PTPRJ: variants seen among roughly 807,000 people sequenced by gnomAD.
PTPRJ encodes the protein protein tyrosine phosphatase receptor type J.
A neutral mutation model predicts 141.3 loss-of-function variants in PTPRJ; 129 were observed. The ratio of observed to expected loss-of-function variants is 0.91; its 90% confidence interval spans 0.79 to 1.06. The LOEUF (loss-of-function observed/expected upper bound fraction) is 1.06, where lower values mean the gene tolerates loss of function less well. PTPRJ is among the 50% of genes least tolerant of loss of function. The pLI, the probability that PTPRJ is intolerant of heterozygous loss-of-function variation, is 0.00. For synonymous variants in PTPRJ, 610 were observed against 640.5 expected, an observed-to-expected ratio of 0.95 and a Z score of 0.72; for missense variants, 1,601 against 1,679.7, an observed-to-expected ratio of 0.95 and a Z score of 0.82.
chr11:48,154,926 T>C (rs1443509998), intron 19 of PTPRJ, among the ~76,000 whole-genome samples: 1 of 152,096 alleles, frequency 6.6e-6, no homozygotes, highest in Non-Finnish European at 1.5e-5. Context: ...ATTGTTCTTA[T>C]TGGGAAGCCT....
chr11:48,005,189 T>C (rs527445228), intron 1 of PTPRJ, among the ~76,000 whole-genome samples: 1 of 151,760 alleles, frequency 6.6e-6, no homozygotes, highest in Admixed American at 6.6e-5. Flanking sequence ...GCCACTGCAC[T>C]CCAGCCTGGA....
chr11:47,984,464 T>G (rs1254714592), intron 1 of PTPRJ, among the ~76,000 whole-genome samples: 1 of 152,226 alleles, frequency 6.6e-6, no homozygotes, highest in Non-Finnish European at 1.5e-5. Flanking sequence ...ATAGGTAACA[T>G]TATGCATGAC....
chr11:47,988,160 A>G (rs138539365), intron 1 of PTPRJ, among the ~76,000 whole-genome samples: 1 of 152,266 alleles, frequency 6.6e-6, no homozygotes, highest in African/African-American at 2.4e-5. Flanking sequence ...TTAAAACTTC[A>G]TATCAACATG....
intron 1 of PTPRJ, among the ~76,000 whole-genome samples, chr11:47,994,021 C>T (rs560924130): frequency 9.2e-4 from 139 of 151,880 alleles, no homozygotes; most frequent in African/African-American, 2.8e-3. Flanking sequence ...CCGCCACACC[C>T]GGCTAGTTTT....
chr11:48,105,890 A>G (rs2134319033), intron 1 of PTPRJ, among the ~76,000 whole-genome samples: 1 of 152,202 alleles, frequency 6.6e-6, no homozygotes, highest in East Asian at 1.9e-4. Flanking sequence ...AGATGAGGGG[A>G]GGTAGCCTTG....
rs112749116 is a variant in PTPRJ, at chr11:48,135,419, C to T, written c.1616-620C>T. Among the ~76,000 whole-genome samples, 1,040 of 151,464 alleles carry T rather than the reference C, an allele frequency of 6.9e-3. 14 individuals are homozygous for T. Among genetic ancestry groups the T allele is most frequent in the African/African-American group, 0.024 (984 of 41,214 alleles). ...CTCAAACTCCCGACTTCAGGTGATC[C>T]GCCTGCCTTGGCTGCCCAAAGTGCT... On this transcript the variant is annotated intron_variant, in intron 8 of 24. Transcript: ENST00000418331.
chr11:48,159,161 G>GTGTGTGTGTGTTTA (rs60389100), intron 21 of PTPRJ, among the ~76,000 whole-genome samples: 1,787 of 130,590 alleles, frequency 0.014, 28 homozygotes, highest in African/African-American at 0.016. Context: ...GTGTGTGTGT[G>GTGTGTGTGTGTTTA]GTCATTTGCC....
At chr11:48,165,656 G>T (rs1285242423) in intron 24 of PTPRJ, among the ~76,000 whole-genome samples, 1 of 152,074 alleles carries the variant, frequency 6.6e-6, no homozygotes, top group Non-Finnish European at 1.5e-5. Flanking sequence ...TGGTTGTTGT[G>T]GAAAGAGTGA....
intron 8 of PTPRJ, among the ~76,000 whole-genome samples, chr11:48,135,420 G>A (rs1188236737): frequency 6.7e-6 from 1 of 149,006 alleles, no homozygotes; most frequent in Non-Finnish European, 1.5e-5. Context: ...CAGGTGATCC[G>A]CCTGCCTTGG....
At chr11:48,073,542 A>T (rs1007585899) in intron 1 of PTPRJ, among the ~76,000 whole-genome samples, 1 of 152,214 alleles carries the variant, frequency 6.6e-6, no homozygotes, top group South Asian at 2.1e-4. Context: ...TTTGCTGCCA[A>T]TAGGTCATTT....
At chr11:48,120,611 G>GC (rs1856681172) in intron 3 of PTPRJ, among the ~76,000 whole-genome samples, 1 of 151,226 alleles carries the variant, frequency 6.6e-6, no homozygotes, top group African/African-American at 2.4e-5. Context: ...TGTTTTTTTT[G>GC]TTTTTTTAGT....
intron 1 of PTPRJ, among the ~76,000 whole-genome samples, chr11:48,109,764 C>G (rs1010225093): frequency 4.6e-5 from 7 of 151,658 alleles, no homozygotes; most frequent in Admixed American, 4.6e-4. Flanking sequence ...GGGAGTTGCT[C>G]CGGGGAGAGG....
chr11:47,996,632 C>T (rs770589486), intron 1 of PTPRJ, among the ~76,000 whole-genome samples: 71 of 152,236 alleles, frequency 4.7e-4, no homozygotes, highest in Non-Finnish European at 9.7e-4. Context: ...GCTCCCACCT[C>T]AGTGACCTCC....
At chr11:48,026,271 C>A (rs1369603288) in intron 1 of PTPRJ, among the ~76,000 whole-genome samples, 1 of 152,130 alleles carries the variant, frequency 6.6e-6, no homozygotes, top group East Asian at 1.9e-4. Flanking sequence ...AAAACTGATT[C>A]TCATGAGGAA....
intron 1 of PTPRJ, among the ~76,000 whole-genome samples, chr11:48,020,129 G>C (rs1203492113): frequency 6.6e-6 from 1 of 152,154 alleles, no homozygotes; most frequent in Non-Finnish European, 1.5e-5. Flanking sequence ...GTAATTTATA[G>C]TGTTGTTCTT....
chr11:48,024,192 T>G, intron 1 of PTPRJ, among the ~76,000 whole-genome samples: 1 of 152,070 alleles, frequency 6.6e-6, no homozygotes, highest in Non-Finnish European at 1.5e-5. Flanking sequence ...ACTTACATTT[T>G]TTTTCTTTCT....
At position 48,130,485 on chromosome 11, in the gene PTPRJ, G is replaced by A. The variant is rs1473351027; in HGVS notation, c.1384G>A (p.Val462Met). Residue 462 changes from valine (V) to methionine (M), a missense_variant, in exon 8 of 25, where the codon GTG becomes ATG. Transcript: ENST00000418331. ...TPPVPVSDFRVTVVSTTEIGL... is the reference protein window; with the variant it reads ...TPPVPVSDFRMTVVSTTEIGL... ...CCCTGTTCCAGTTTCTGACTTCCGA[G>A]TGACAGTGGTCAGCACGACGGAGAT... 6.2e-7 allele frequency: 1 copy of A among 1,611,984 alleles called. No individual in the cohort carries two copies. The highest frequency in any genetic ancestry group is 1.1e-5 in the South Asian group (1 of 90,900).
chr11:48,151,734 G>C (rs1009354840), intron 18 of PTPRJ, among the ~76,000 whole-genome samples: 1 of 151,962 alleles, frequency 6.6e-6, no homozygotes, highest in African/African-American at 2.4e-5. Context: ...TGCTGAGAAT[G>C]ATGGTTTCCA....
chr11:48,028,186 T>C (rs1262928883), intron 1 of PTPRJ, among the ~76,000 whole-genome samples: 1 of 152,200 alleles, frequency 6.6e-6, no homozygotes, highest in East Asian at 1.9e-4. Context: ...CACAGAGGCA[T>C]GGACACTGAA....
Sources: gnomAD v4.1 joint callset for allele counts (sites outside exome capture counted in the v4.1 genomes callset) on GRCh38, gnomAD v4.1.1 for gene constraint, MANE v1.5 for transcripts, NCBI Gene and HGNC (gene_info 2026-07-23, HGNC 2026-07-21) for gene names.